The following UMAD1 variants were observed in gnomAD, a reference collection of about 807,000 sequenced individuals.
The protein encoded by UMAD1 is UBAP1-MVB12-associated (UMA)-domain containing protein 1.
In UMAD1, 8 loss-of-function variants were observed where a neutral mutation model predicts 6.1. The observed-to-expected ratio is 1.30, with a 90% CI of 0.76 to 2.35. The LOEUF (loss-of-function observed/expected upper bound fraction) is 2.35, where lower values mean the gene tolerates loss of function less well. Ranked by LOEUF, UMAD1 falls within the 30% of genes most tolerant of loss-of-function variation. UMAD1 has a pLI of 0.00. For missense variants in UMAD1, 130 were observed against 78.4 expected, an observed-to-expected ratio of 1.66 and a Z score of -2.49; for synonymous variants, 56 against 31.4, an observed-to-expected ratio of 1.78 and a Z score of -2.61.
chr7:7,748,303 TTA>T (rs1420043330), intron 2 of UMAD1, among the ~76,000 whole-genome samples: 4 of 152,190 alleles, frequency 2.6e-5, no homozygotes, highest in Middle Eastern at 3.4e-3. Flanking sequence ...ATGTAATTGT[TTA>T]TGTCATAAAA....
intron 2 of UMAD1, among the ~76,000 whole-genome samples, chr7:7,697,506 A>G (rs7799716): frequency 0.018 from 2,689 of 152,308 alleles, 40 homozygotes; most frequent in Non-Finnish European, 0.027. Context: ...TTGAAATATG[A>G]TTGTGGCTTC....
chr7:7,854,599 G>T (rs1164961285), intron 3 of UMAD1, among the ~76,000 whole-genome samples: 2 of 152,016 alleles, frequency 1.3e-5, no homozygotes, highest in Non-Finnish European at 2.9e-5. Flanking sequence ...ACCTCCCACT[G>T]TGTCCTTCCC....
At position 7,878,776 on chromosome 7, in the gene UMAD1, TAATA is replaced by T. The variant is rs1460066217; in HGVS notation, c.*1242_*1245del. The T allele has an allele frequency of 6.6e-6, 1 of 152,214 alleles. No homozygotes were observed. Among genetic ancestry groups the T allele is most frequent in the Non-Finnish European group, 1.5e-5 (1 of 68,018 alleles). 9.4% of individuals were successfully genotyped at this position (152,214 alleles called of 1,614,324 possible). On this transcript the variant is annotated 3_prime_UTR_variant, in exon 4 of 4. Transcript: ENST00000682710. ...TTTTAAAGTATTATGCATGTTTGTT[TAATA>T]AATGTGGCATGGTTTTAATACAAAT...
At chr7:7,678,090 T>C (rs979544500) in intron 2 of UMAD1, among the ~76,000 whole-genome samples, 10 of 152,190 alleles carry the variant, frequency 6.6e-5, no homozygotes, top group Non-Finnish European at 1.5e-4. Context: ...TTTCTTCTTT[T>C]GGGTATGTAC....
intron 2 of UMAD1, among the ~76,000 whole-genome samples, chr7:7,715,584 G>C (rs982342411): frequency 2.0e-5 from 3 of 152,074 alleles, no homozygotes; most frequent in Non-Finnish European, 4.4e-5. Flanking sequence ...ATACAAAGAA[G>C]AGCTCTGTTT....
chr7:7,671,107 C>T (rs1470606982), intron 1 of UMAD1, among the ~76,000 whole-genome samples: 1 of 152,140 alleles, frequency 6.6e-6, no homozygotes, highest in African/African-American at 2.4e-5. Context: ...TTTAAGCATT[C>T]AATAATCATA....
At chr7:7,720,206 G>T (rs1781014616) in intron 2 of UMAD1, among the ~76,000 whole-genome samples, 1 of 152,128 alleles carries the variant, frequency 6.6e-6, no homozygotes, top group Non-Finnish European at 1.5e-5. Flanking sequence ...AATATAGCTT[G>T]CAATAAAGGA....
intron 2 of UMAD1, among the ~76,000 whole-genome samples, chr7:7,778,975 A>T (rs998077868): frequency 2.0e-5 from 3 of 152,210 alleles, no homozygotes; most frequent in African/African-American, 7.2e-5. Context: ...TAAACCTCTT[A>T]TCAGTCTATT....
chr7:7,817,582 G>A (rs1443966837), intron 3 of UMAD1, among the ~76,000 whole-genome samples: 1 of 152,166 alleles, frequency 6.6e-6, no homozygotes, highest in East Asian at 1.9e-4. Flanking sequence ...TAATTCCCAT[G>A]ATACCAGCTG....
chr7:7,644,399 A>C (rs1785049536), intron 1 of UMAD1, among the ~76,000 whole-genome samples: 1 of 147,834 alleles, frequency 6.8e-6, no homozygotes. Flanking sequence ...ATAGTTAAAC[A>C]TTTTCCCCCT....
At chr7:7,774,806 T>G (rs1388897934) in intron 2 of UMAD1, among the ~76,000 whole-genome samples, 1 of 152,186 alleles carries the variant, frequency 6.6e-6, no homozygotes, top group Non-Finnish European at 1.5e-5. Context: ...AGATAAGTTC[T>G]TCCCCAATTT....
chr7:7,665,691 C>A (rs550517009), intron 1 of UMAD1, among the ~76,000 whole-genome samples: 1 of 152,318 alleles, frequency 6.6e-6, no homozygotes, highest in South Asian at 2.1e-4. Context: ...TTTGTTCCCT[C>A]TGTGTTCCTC....
intron 2 of UMAD1, among the ~76,000 whole-genome samples, chr7:7,764,002 C>T (rs1216058541): frequency 6.6e-6 from 1 of 152,086 alleles, no homozygotes; most frequent in Non-Finnish European, 1.5e-5. Context: ...TTAGAAATAT[C>T]ACAGGAAATA....
intron 2 of UMAD1, among the ~76,000 whole-genome samples, chr7:7,741,385 C>G (rs1416246615): frequency 6.6e-6 from 1 of 151,858 alleles, no homozygotes; most frequent in East Asian, 1.9e-4. Flanking sequence ...TCCTGGCTAA[C>G]ACAGTGAAAC....
intron 2 of UMAD1, among the ~76,000 whole-genome samples, chr7:7,688,993 G>C (rs549710019): frequency 6.6e-6 from 1 of 152,238 alleles, no homozygotes; most frequent in South Asian, 2.1e-4. Context: ...ATGCAAATTA[G>C]TAAGCATTCA....
At chr7:7,685,515 G>C (rs1780023862) in intron 2 of UMAD1, among the ~76,000 whole-genome samples, 1 of 151,964 alleles carries the variant, frequency 6.6e-6, no homozygotes, top group African/African-American at 2.4e-5. Flanking sequence ...CACCACTTTG[G>C]CCAGGATGGT....
chr7:7,742,139 T>C (rs1033753431), intron 2 of UMAD1: 2 of 635,922 alleles, frequency 3.1e-6, no homozygotes. Context: ...CAGGAGGCAG[T>C]TGAATATATG....
intron 2 of UMAD1, among the ~76,000 whole-genome samples, chr7:7,742,743 A>G (rs1374961989): frequency 6.6e-6 from 1 of 152,228 alleles, no homozygotes; most frequent in East Asian, 1.9e-4. Flanking sequence ...AGCTTGATTG[A>G]TGAGAAAGTT....
chr7:7,758,289 C>T (rs1781819442), intron 2 of UMAD1, among the ~76,000 whole-genome samples: 1 of 152,084 alleles, frequency 6.6e-6, no homozygotes, highest in African/African-American at 2.4e-5. Flanking sequence ...CTCACGTAGC[C>T]TATCCCAGTG....
Sources: allele counts gnomAD v4.1 joint callset (sites outside exome capture counted in the v4.1 genomes callset), GRCh38; gene constraint gnomAD v4.1.1; transcripts MANE v1.5; gene names NCBI Gene and HGNC (gene_info 2026-07-23, HGNC 2026-07-21).